Variants in BICD1 observed in about 807,000 individuals in gnomAD.
The protein encoded by BICD1 is BICD cargo adaptor 1.
Under a neutral mutation model 92.5 loss-of-function variants are expected in BICD1, and 35 were observed. The ratio of observed to expected loss-of-function variants is 0.38; its 90% CI spans 0.29 to 0.50. The LOEUF (loss-of-function observed/expected upper bound fraction) is 0.50, where lower values mean the gene tolerates loss of function less well. Among genes scored for constraint, BICD1 ranks in the 20% least tolerant of loss-of-function variants. The pLI is 0.93. For synonymous variants in BICD1, 429 were observed against 465.1 expected (o/e 0.92, Z 1.00); for missense variants, 950 against 1,189.8 (o/e 0.80, Z 2.97).
chr12:32,157,608 G>A (rs976904416), intron 1 of BICD1, among the ~76,000 whole-genome samples: 1 of 152,140 alleles, frequency 6.6e-6, no homozygotes, highest in African/African-American at 2.4e-5. Flanking sequence ...GGTGCCCAAG[G>A]ATACCTGTTG....
chr12:32,157,352 A>G lies in BICD1; in HGVS notation c.213+49808A>G, dbSNP rs528717681. Among the ~76,000 whole-genome samples the G allele has an allele frequency of 8.1e-4, 124 of 152,320 alleles. 4 individuals are homozygous for G. In the South Asian group the frequency reaches 0.025, roughly 30 times the overall value. Reference sequence around the variant, plus strand: ...ATGAAGAATCCAGTCCCATTTGTACAAATGCCAAGGAGTTTACCCTCTATT... The same window carrying G: ...ATGAAGAATCCAGTCCCATTTGTACGAATGCCAAGGAGTTTACCCTCTATT... On this transcript the variant is annotated intron_variant, in intron 1 of 9. Transcript: ENST00000652176.
intron 9 of BICD1, among the ~76,000 whole-genome samples, chr12:32,373,773 G>C (rs1223029281): frequency 3.3e-5 from 5 of 151,392 alleles, no homozygotes; most frequent in Admixed American, 6.6e-5. Context: ...CCAGCTACTC[G>C]GGAGGCTGAG....
intron 8 of BICD1, chr12:32,340,819 G>A (rs1016506197): frequency 6.5e-6 from 1 of 153,054 alleles, no homozygotes; most frequent in Non-Finnish European, 1.5e-5. Context: ...CTTGTCCACT[G>A]AGGTAGTTTT....
At chr12:32,352,954 C>T (rs1456747530) in intron 8 of BICD1, 2 of 152,168 alleles carry the variant, frequency 1.3e-5, no homozygotes, top group Non-Finnish European at 2.9e-5. Context: ...CACCTCTAAC[C>T]ATAGGATCTT....
intron 2 of BICD1, among the ~76,000 whole-genome samples, chr12:32,275,029 A>T (rs528882033): frequency 6.6e-6 from 1 of 152,084 alleles, no homozygotes; most frequent in South Asian, 2.1e-4. Flanking sequence ...AAATAAATTC[A>T]TGCTTGTAAT....
chr12:32,210,327 G>C (rs1945180469), intron 1 of BICD1, among the ~76,000 whole-genome samples: 1 of 152,106 alleles, frequency 6.6e-6, no homozygotes, highest in Non-Finnish European at 1.5e-5. Context: ...CACAGTTTTT[G>C]AGATGAAAGA....
At chr12:32,167,215 A>G (rs929844820) in intron 1 of BICD1, among the ~76,000 whole-genome samples, 1 of 152,184 alleles carries the variant, frequency 6.6e-6, no homozygotes, top group Admixed American at 6.5e-5. Context: ...TTCAGCTATT[A>G]CCTAACTCAT....
chr12:32,308,757 A>G (rs906375366), intron 4 of BICD1, among the ~76,000 whole-genome samples: 1 of 152,220 alleles, frequency 6.6e-6, no homozygotes, highest in Non-Finnish European at 1.5e-5. Flanking sequence ...ACTTTGCTGG[A>G]TAAACCCTCC....
chr12:32,163,917 T>C (rs909159106), intron 1 of BICD1, among the ~76,000 whole-genome samples: 6 of 152,340 alleles, frequency 3.9e-5, no homozygotes, highest in Non-Finnish European at 7.4e-5. Context: ...TGGACTAGTC[T>C]TTTTCAACTA....
intron 4 of BICD1, among the ~76,000 whole-genome samples, chr12:32,308,486 G>C (rs569161506): frequency 2.7e-4 from 41 of 152,210 alleles, no homozygotes; most frequent in Admixed American, 8.5e-4. Flanking sequence ...ACAGGGACTA[G>C]TGCACAGTAA....
intron 1 of BICD1, among the ~76,000 whole-genome samples, chr12:32,131,560 A>G (rs1942547150): frequency 6.6e-6 from 1 of 152,230 alleles, no homozygotes; most frequent in Non-Finnish European, 1.5e-5. Context: ...GGATATTTTA[A>G]GTTTACCATC....
At chr12:32,166,138 A>T (rs200515539) in intron 1 of BICD1, among the ~76,000 whole-genome samples, 1 of 143,954 alleles carries the variant, frequency 6.9e-6, no homozygotes, top group Non-Finnish European at 1.5e-5. Context: ...TTATTTATTT[A>T]TTTATTTATT....
At chr12:32,367,880 A>C in intron 9 of BICD1, 135 bp downstream of exon 9, 1 of 788,744 alleles carries the variant, frequency 1.3e-6, no homozygotes, top group Non-Finnish European at 2.1e-6. Context: ...GGCTACATAG[A>C]CACACATTGG....
chr12:32,192,257 C>A (rs560694927), intron 1 of BICD1, among the ~76,000 whole-genome samples: 5 of 152,038 alleles, frequency 3.3e-5, no homozygotes, highest in Non-Finnish European at 7.4e-5. Context: ...TGGTGAAACC[C>A]CATCTCTACT....
chr12:32,215,221 C>T (rs958375381), intron 1 of BICD1, among the ~76,000 whole-genome samples: 18 of 152,198 alleles, frequency 1.2e-4, no homozygotes, highest in Admixed American at 2.6e-4. Flanking sequence ...AAGCTAGACT[C>T]CATCTCAAAA....
rs57245889 is a variant in BICD1 at position 32,252,085 on chromosome 12, TA to T, written c.426+35629del. On this transcript the variant is annotated intron_variant, in intron 2 of 9. Transcript: ENST00000652176. ...ATTATATATTTATAATATATATTTATAAATATATATTTATAATAAATATTAT... is the reference window on the plus strand; with the variant it reads ...ATTATATATTTATAATATATATTTATAATATATATTTATAATAAATATTAT... 2.7e-3 allele frequency among the ~76,000 whole-genome samples: 69 copies of T among 25,280 alleles called. 2 individuals are homozygous for T. Among genetic ancestry groups the T allele is most frequent in the African/African-American group, 0.015 (60 of 3,906 alleles). The allele number at this position is 25,280 out of a possible 152,430, so 16.6% of individuals were successfully genotyped here.
rs201571553 is a variant in BICD1 at position 32,328,140 on chromosome 12, G to A, written c.1685G>A (p.Arg562Gln). 24 of 1,614,120 alleles carry A rather than the reference G, an allele frequency of 1.5e-5. No homozygotes were observed. The highest frequency in any genetic ancestry group is 8.8e-5 in the South Asian group (8 of 91,076). ...GATCCCAGAGGACTTTTGTCCCCACGATTAGCCAGGCGGGGTGTGTCATCC... is the reference window on the plus strand; with the variant it reads ...GATCCCAGAGGACTTTTGTCCCCACAATTAGCCAGGCGGGGTGTGTCATCC... The part of the protein sequence containing the change: ...PDDPRGLLSP[R>Q]LARRGVSSPV... Residue 562 changes from arginine to glutamine, a missense_variant, in exon 5 of 10, where the codon CGA becomes CAA. Arg to Gln is a conservative substitution (Grantham distance 43). Around this residue, in one of 5 missense-constraint regions of BICD1, gnomAD observed 309 missense variants for 499.4 expected, o/e 0.62. Transcript: ENST00000652176. This position sits in a 1 kb window ranked among gnomAD's most constrained non-coding sequence, Gnocchi z 4.4.
At chr12:32,151,330 G>A (rs1565549659) in intron 1 of BICD1, among the ~76,000 whole-genome samples, 1 of 152,178 alleles carries the variant, frequency 6.6e-6, no homozygotes, top group Non-Finnish European at 1.5e-5. Context: ...TGCCCTGACA[G>A]CCCTTCTGAT....
intron 1 of BICD1, among the ~76,000 whole-genome samples, chr12:32,210,799 G>A (rs979123732): frequency 3.9e-5 from 6 of 152,180 alleles, no homozygotes; most frequent in African/African-American, 7.2e-5. Context: ...CTAGAAGCAC[G>A]ACTACCCTAT....
Sources: gnomAD v4.1 joint callset for allele counts (sites outside exome capture counted in the v4.1 genomes callset) on GRCh38, gnomAD v4.1.1 for gene constraint, gnomAD v4.1.1 regional missense constraint, Gnocchi (gnomAD v3.1) non-coding constraint, MANE v1.5 for transcripts, NCBI Gene and HGNC (gene_info 2026-07-23, HGNC 2026-07-21) for gene names.